Variants in ASTN1 observed in about 807,000 individuals in gnomAD.
ASTN1 encodes the protein astrotactin-1.
Under a neutral mutation model 140.7 loss-of-function variants are expected in ASTN1, and 41 were observed. That is an observed-to-expected ratio of 0.29 (90% CI 0.23 to 0.38). The LOEUF (loss-of-function observed/expected upper bound fraction) is 0.38. ASTN1 is among the 10% of genes least tolerant of loss of function. ASTN1 has a pLI of 1.00. For synonymous variants in ASTN1, 640 were observed against 652.2 expected (o/e 0.98, Z 0.29); for missense variants, 1,479 against 1,678.8 (o/e 0.88, Z 2.08).
chr1:177,033,825 A>G (rs1676575691), intron 2 of ASTN1, among the ~76,000 whole-genome samples: 1 of 152,124 alleles, frequency 6.6e-6, no homozygotes, highest in Admixed American at 6.5e-5. Context: ...TGCAGAACTC[A>G]GTGAGACTGA....
intron 2 of ASTN1, among the ~76,000 whole-genome samples, chr1:177,033,364 C>T (rs1336684425): frequency 6.6e-6 from 1 of 152,144 alleles, no homozygotes; most frequent in Non-Finnish European, 1.5e-5. Flanking sequence ...ACCTCGGATA[C>T]GTCATCTGTA....
intron 22 of ASTN1, among the ~76,000 whole-genome samples, chr1:176,867,735 T>C (rs771132043): frequency 6.6e-6 from 1 of 152,202 alleles, no homozygotes. Context: ...TCCTCAATGA[T>C]GGTCTTCTGG....
chr1:176,858,610 C>T (rs754481474), downstream of ASTN1, among the ~76,000 whole-genome samples: 34 of 152,258 alleles, frequency 2.2e-4, no homozygotes, highest in Middle Eastern at 3.4e-3. Context: ...ATCATCCTCA[C>T]GTGACAGACG....
At chr1:176,872,800 C>T (rs1209888639) in intron 21 of ASTN1, among the ~76,000 whole-genome samples, 1 of 152,176 alleles carries the variant, frequency 6.6e-6, no homozygotes, top group East Asian at 1.9e-4. Context: ...CGATCTTCCC[C>T]TAGATTTCTG....
At chr1:176,959,283 G>A (rs1672551902) in intron 9 of ASTN1, among the ~76,000 whole-genome samples, 1 of 152,154 alleles carries the variant, frequency 6.6e-6, no homozygotes, top group African/African-American at 2.4e-5. Flanking sequence ...AGCCAGTGTG[G>A]ATGGGATATG....
intron 1 of ASTN1, among the ~76,000 whole-genome samples, chr1:177,152,862 A>T (rs1683097307): frequency 6.6e-6 from 1 of 152,188 alleles, no homozygotes; most frequent in Admixed American, 6.5e-5. Context: ...ACAATATGGT[A>T]TAGGCACATG....
chr1:176,864,441 A>C lies in ASTN1; in HGVS notation c.3728T>G (p.Leu1243Trp). The change falls in exon 23 of 23, where the codon TTG becomes TGG. Residue 1243 changes from leucine to tryptophan, a missense_variant. By Grantham distance (61) the Leu-to-Trp change is moderately conservative. Around this residue, in one of 3 missense-constraint regions of ASTN1, gnomAD observed 746 missense variants for 800.9 expected, o/e 0.93. Transcript: ENST00000361833. ...NGLLQEPKISLRRSSLKYLGC... is the reference protein window; with the variant it reads ...NGLLQEPKISWRRSSLKYLGC... ...CAGGTACTTGAGTGAGCTGCGCCGC[A>C]AGCTTATCTTGGGTTCCTGAAGGAG... The C allele has an allele frequency of 6.2e-7, 1 of 1,614,080 alleles. No individual in the cohort carries two copies. Among genetic ancestry groups the C allele is most frequent in the Middle Eastern group, 1.6e-4 (1 of 6,062 alleles).
intron 1 of ASTN1, among the ~76,000 whole-genome samples, chr1:177,118,228 T>TAAC (rs372354810): frequency 2.6e-5 from 4 of 152,208 alleles, no homozygotes; most frequent in African/African-American, 7.2e-5. Flanking sequence ...TTGGTTGTGA[T>TAAC]GACAATCTGA....
At chr1:176,902,378 A>T (rs1395597882) in intron 16 of ASTN1, among the ~76,000 whole-genome samples, 3 of 152,358 alleles carry the variant, frequency 2.0e-5, no homozygotes, top group African/African-American at 7.2e-5. Context: ...TGGAAGCTGT[A>T]GGAAAAATGG....
At chr1:177,016,420 T>C (rs949565450) in intron 7 of ASTN1, among the ~76,000 whole-genome samples, 1 of 152,174 alleles carries the variant, frequency 6.6e-6, no homozygotes, top group Admixed American at 6.5e-5. Flanking sequence ...GGTTCAAGTT[T>C]ATTGGCTTCA....
intron 16 of ASTN1, among the ~76,000 whole-genome samples, chr1:176,916,986 A>G (rs1670515433): frequency 6.6e-6 from 1 of 151,526 alleles, no homozygotes; most frequent in South Asian, 2.1e-4. Context: ...CTCACAACCC[A>G]GGGTTGTGCT....
chr1:177,013,542 G>A (rs1363685047), intron 8 of ASTN1, among the ~76,000 whole-genome samples: 1 of 152,016 alleles, frequency 6.6e-6, no homozygotes, highest in Non-Finnish European at 1.5e-5. Context: ...TTATTGCTTT[G>A]AGAGTCCAGA....
At chr1:176,984,338 T>A (rs1184346770) in intron 8 of ASTN1, among the ~76,000 whole-genome samples, 1 of 152,134 alleles carries the variant, frequency 6.6e-6, no homozygotes, top group East Asian at 1.9e-4. Flanking sequence ...TGATGGGGGA[T>A]GGTAAGCATT....
intron 1 of ASTN1, among the ~76,000 whole-genome samples, chr1:177,149,094 A>AGG (rs1286532337): frequency 1.4e-5 from 2 of 138,952 alleles, no homozygotes; most frequent in African/African-American, 5.3e-5. Context: ...ACATATATAT[A>AGG]GTAAATATAT....
intron 8 of ASTN1, among the ~76,000 whole-genome samples, chr1:177,005,712 T>A (rs1036261048): frequency 6.6e-6 from 1 of 152,134 alleles, no homozygotes; most frequent in South Asian, 2.1e-4. Context: ...TGTATGTGTA[T>A]GTGTGTGAGT....
intron 16 of ASTN1, among the ~76,000 whole-genome samples, chr1:176,926,040 C>T (rs1670951714): frequency 6.6e-6 from 1 of 152,176 alleles, no homozygotes; most frequent in Admixed American, 6.5e-5. Context: ...ATCTTCTGAC[C>T]TCCTGATCTG....
rs764500829 is a variant in ASTN1 at position 176,876,640 on chromosome 1, GGCAGGGAGTGGGAGGGCATGGTTA to G, written c.3363-27_3363-4del. ...TGTCCACTCCCCACAGCGTGAACCT[GGCAGGGAGTGGGAGGGCATGGTTA>G]GCAGAAACAGTGTGGCTGGAGGCTA... On this transcript the variant is annotated splice_region_variant and splice_polypyrimidine_tract_variant and intron_variant, in intron 20 of 22. Transcript: ENST00000361833. The G allele has an allele frequency of 6.2e-7, 1 of 1,613,964 alleles. No homozygotes were observed. The highest frequency in any genetic ancestry group is 1.3e-5 in the African/African-American group (1 of 75,044).
At chr1:176,906,535 T>G (rs1241489844) in intron 16 of ASTN1, among the ~76,000 whole-genome samples, 1 of 152,046 alleles carries the variant, frequency 6.6e-6, no homozygotes, top group African/African-American at 2.4e-5. Flanking sequence ...GACAGGGGAT[T>G]TTGCTTACAC....
intron 14 of ASTN1, among the ~76,000 whole-genome samples, chr1:176,941,976 G>T (rs1026703224): frequency 6.6e-6 from 1 of 152,192 alleles, no homozygotes; most frequent in Non-Finnish European, 1.5e-5. Flanking sequence ...TCAGGTGTGT[G>T]TATGTGTGCA....
Sources: allele counts gnomAD v4.1 joint callset (sites outside exome capture counted in the v4.1 genomes callset), GRCh38; gene constraint gnomAD v4.1.1; regional missense constraint gnomAD v4.1.1; transcripts MANE v1.5; gene names NCBI Gene and HGNC (gene_info 2026-07-23, HGNC 2026-07-21).